HERC4: variants seen among roughly 807,000 people sequenced by gnomAD.
HERC4 encodes HECT and RLD domain containing E3 ubiquitin protein ligase 4, also known as probable E3 ubiquitin-protein ligase HERC4.
Under a neutral mutation model 124.3 loss-of-function variants are expected in HERC4, and 28 were observed. That is an observed-to-expected ratio of 0.23 (90% CI 0.17 to 0.31). The LOEUF (loss-of-function observed/expected upper bound fraction) is 0.31, where lower values mean the gene tolerates loss of function less well. HERC4 is among the 10% of genes least tolerant of loss of function. The probability of loss-of-function intolerance (pLI) is 1.00; values close to 1 mark genes in which losing one functional copy is unlikely to be tolerated. For missense variants in HERC4, 713 were observed against 1,229.3 expected (o/e 0.58, Z 6.28); for synonymous variants, 407 against 421.5 (o/e 0.97, Z 0.42).
chr10:67,945,052 C>G (rs1775591807), intron 19 of HERC4, among the ~76,000 whole-genome samples: 1 of 152,164 alleles, frequency 6.6e-6, no homozygotes, highest in Non-Finnish European at 1.5e-5. Flanking sequence ...GAGATAATAA[C>G]AGTGAACATC....
At chr10:67,957,861 G>A (rs2034248368) in intron 16 of HERC4, among the ~76,000 whole-genome samples, 1 of 152,134 alleles carries the variant, frequency 6.6e-6, no homozygotes, top group Admixed American at 6.5e-5. Context: ...GGGCTGGAGT[G>A]CAATGGTGCG....
chr10:67,987,134 G>A (rs147793181), intron 15 of HERC4, among the ~76,000 whole-genome samples: 128 of 152,240 alleles, frequency 8.4e-4, no homozygotes, highest in African/African-American at 3.0e-3. Context: ...TTTAGAATGA[G>A]TCCATCAAAA....
intron 19 of HERC4, among the ~76,000 whole-genome samples, chr10:67,953,026 CT>C (rs1314273013): frequency 1.3e-5 from 2 of 151,998 alleles, no homozygotes; most frequent in African/African-American, 4.8e-5. Context: ...AGGAAAATTA[CT>C]TTGGTATGTA....
In HERC4 at chr10:67,939,575, C is replaced by T. The variant is rs1443154182; in HGVS notation, c.2571+13G>A. The stretch of plus-strand genomic sequence containing the variant: ...GATAAATAATCAGGCTAACCTATGT[C>T]CTTCCATCTTACCGTAAAATTAAGA... On this transcript the variant is annotated intron_variant, in intron 21 of 24. Transcript: ENST00000373700. 1.9e-5 allele frequency: 29 copies of T among 1,566,458 alleles called. No individual in the cohort carries two copies. Among genetic ancestry groups the T allele is most frequent in the Non-Finnish European group, 2.5e-5 (28 of 1,142,512 alleles).
chr10:67,936,065 G>C, intron 22 of HERC4, 88 bp downstream of exon 22: 2 of 789,140 alleles, frequency 2.5e-6, no homozygotes, highest in Non-Finnish European at 4.0e-6. Flanking sequence ...TGGAGTAAAA[G>C]CTTAGGGTTG....
At chr10:68,010,275 A>G in intron 9 of HERC4, 5 of 988,662 alleles carry the variant, frequency 5.1e-6, no homozygotes, top group Non-Finnish European at 7.7e-6. Context: ...AACACAGTGC[A>G]GTGCAGTGCA....
intron 3 of HERC4, among the ~76,000 whole-genome samples, chr10:68,047,934 T>TG (rs1204050561): frequency 2.0e-5 from 3 of 152,066 alleles, no homozygotes; most frequent in African/African-American, 7.2e-5. Flanking sequence ...TTTTTGTTTT[T>TG]TTTTTTGTGA....
At position 68,067,106 on chromosome 10, in the gene HERC4, C is replaced by T. The variant is rs189832863; in HGVS notation, c.226+5777G>A. The T allele has an allele frequency of 3.9e-5, 6 of 152,686 alleles. No homozygotes were observed. The East Asian group carries it at 7.7e-4, about 20-fold the overall frequency. The allele number at this position is 152,686 out of a possible 1,614,324, so 9.5% of individuals were successfully genotyped here. A position where few individuals can be genotyped will look rare whatever the true frequency, so the allele number is the denominator to read the frequency against. ...TTACCAACGTGTGCTGCCATTTCTCCGTAAATTTATCCCCTAAGATGAGGA... is the reference window on the plus strand; with the variant it reads ...TTACCAACGTGTGCTGCCATTTCTCTGTAAATTTATCCCCTAAGATGAGGA... On this transcript the variant is annotated intron_variant, in intron 3 of 24. Transcript: ENST00000373700.
chr10:67,922,759 G>A lies in HERC4; in HGVS notation c.*172C>T, dbSNP rs900850431. 1 of 500,670 alleles carries A rather than the reference G, an allele frequency of 2.0e-6. No homozygotes were observed. The highest frequency in any genetic ancestry group is 3.4e-5 in the Admixed American group (1 of 29,700). 31.0% of individuals were successfully genotyped at this position (500,670 alleles called of 1,614,324 possible). A position where few individuals can be genotyped will look rare whatever the true frequency, so the allele number is the denominator to read the frequency against. On this transcript the variant is annotated 3_prime_UTR_variant, in exon 25 of 25. Coordinates refer to ENST00000373700, the MANE Select transcript of HERC4 (RefSeq NM_015601.4). ...ATGGTTCTGTACAATAATATTAACA[G>A]TTTGTTCATTTTCCTTTAATATTTT...
chr10:68,061,080 A>T (rs1013449803), intron 3 of HERC4, among the ~76,000 whole-genome samples: 2 of 152,114 alleles, frequency 1.3e-5, no homozygotes, highest in Admixed American at 1.3e-4. Context: ...AACCAACAGC[A>T]TTATCGCAAA....
intron 19 of HERC4, among the ~76,000 whole-genome samples, chr10:67,951,930 A>G (rs530748058): frequency 6.6e-6 from 1 of 152,316 alleles, no homozygotes; most frequent in South Asian, 2.1e-4. Context: ...AAAAAAATGC[A>G]TACAACACAC....
At chr10:68,067,214 G>T (rs1238484836) in intron 3 of HERC4, 1 of 152,490 alleles carries the variant, frequency 6.6e-6, no homozygotes, top group African/African-American at 2.4e-5. Flanking sequence ...TCAGATGTAG[G>T]GTCCTACACA....
At chr10:67,944,255 G>C (rs2033150423) in intron 19 of HERC4, among the ~76,000 whole-genome samples, 1 of 152,202 alleles carries the variant, frequency 6.6e-6, no homozygotes, top group African/African-American at 2.4e-5. Context: ...GCTCAGCATA[G>C]AAAGACTCTG....
At chr10:67,935,926 C>T (rs1418103255) in intron 22 of HERC4, among the ~76,000 whole-genome samples, 1 of 152,166 alleles carries the variant, frequency 6.6e-6, no homozygotes, top group East Asian at 1.9e-4. Flanking sequence ...TTAGTTACTA[C>T]TGTTTCCTGG....
At chr10:67,941,195 G>T in intron 19 of HERC4, 90 bp from the exon 20 acceptor site, 1 of 863,220 alleles carries the variant, frequency 1.2e-6, no homozygotes, top group Non-Finnish European at 1.7e-6. Flanking sequence ...ATACAATTTT[G>T]AAGATAGAGA....
chr10:67,959,667 C>CT (rs1480801598), intron 16 of HERC4, among the ~76,000 whole-genome samples: 1 of 151,870 alleles, frequency 6.6e-6, no homozygotes, highest in Non-Finnish European at 1.5e-5. Flanking sequence ...AGGTATCTTA[C>CT]ATTAAGCATT....
chr10:68,053,642 A>C (rs1485849580), intron 3 of HERC4, among the ~76,000 whole-genome samples: 3 of 152,172 alleles, frequency 2.0e-5, no homozygotes, highest in Non-Finnish European at 1.5e-5. Flanking sequence ...AAAATATACA[A>C]AAAATGTGGC....
chr10:68,032,632 A>C (rs531828362), intron 7 of HERC4, 146 bp downstream of exon 7: 2 of 555,044 alleles, frequency 3.6e-6, no homozygotes, highest in Non-Finnish European at 6.5e-6. Flanking sequence ...TTTTTCAAGA[A>C]TAATCTAAGT....
At chr10:68,008,280 T>C (rs1339995567) in intron 9 of HERC4, among the ~76,000 whole-genome samples, 2 of 152,216 alleles carry the variant, frequency 1.3e-5, no homozygotes, top group African/African-American at 4.8e-5. Context: ...ACCCAAAGCA[T>C]GTAGAGACTA....
Sources: gnomAD v4.1 joint callset for allele counts (sites outside exome capture counted in the v4.1 genomes callset) on GRCh38, gnomAD v4.1.1 for gene constraint, MANE v1.5 for transcripts, NCBI Gene and HGNC (gene_info 2026-07-23, HGNC 2026-07-21) for gene names.